Variants in SLC5A7 observed in about 807,000 individuals in gnomAD.
The protein encoded by SLC5A7 is high affinity choline transporter 1.
SLC5A7 carries 19 observed loss-of-function variants against 55.4 expected under a neutral mutation model. The observed-to-expected ratio is 0.34, with a 90% CI of 0.24 to 0.50. SLC5A7 has a LOEUF of 0.50. Ranked by LOEUF, SLC5A7 falls within the 20% of genes least tolerant of loss-of-function variation. The pLI, the probability that SLC5A7 is intolerant of heterozygous loss-of-function variation, is 0.98. For synonymous variants in SLC5A7, 265 were observed against 263.7 expected, an observed-to-expected ratio of 1.00 and a Z score of -0.05; for missense variants, 506 against 705.3, an observed-to-expected ratio of 0.72 and a Z score of 3.20.
At chr2:107,986,919 G>A (rs925476439) in intron 1 of SLC5A7, among the ~76,000 whole-genome samples, 156 bp downstream of exon 1, 4 of 152,136 alleles carry the variant, frequency 2.6e-5, no homozygotes, top group Non-Finnish European at 5.9e-5. Flanking sequence ...GTTGCTGTCA[G>A]GGTGCAAGAG....
intron 2 of SLC5A7, among the ~76,000 whole-genome samples, chr2:107,988,652 A>G (rs916052081): frequency 2.0e-5 from 3 of 152,168 alleles, no homozygotes; most frequent in Non-Finnish European, 2.9e-5. Context: ...GGGGAATGGG[A>G]AGCTGTCCTA....
At chr2:107,999,529 G>A (rs945384530) in intron 5 of SLC5A7, among the ~76,000 whole-genome samples, 2 of 152,196 alleles carry the variant, frequency 1.3e-5, no homozygotes, top group African/African-American at 4.8e-5. Context: ...GCCACAAAAT[G>A]TAGCCAAATT....
intron 5 of SLC5A7, among the ~76,000 whole-genome samples, 162 bp downstream of exon 5, chr2:107,998,148 G>T (rs1677748130): frequency 6.6e-6 from 1 of 152,134 alleles, no homozygotes; most frequent in Non-Finnish European, 1.5e-5. Flanking sequence ...TTAATTAGAT[G>T]AAAAACTCGT....
chr2:107,994,772 C>CA (rs1458176197), intron 4 of SLC5A7, among the ~76,000 whole-genome samples: 9 of 151,946 alleles, frequency 5.9e-5, no homozygotes, highest in Admixed American at 2.6e-4. Context: ...CTTTGAACAC[C>CA]AAAAAATGTT....
At position 108,013,085 on chromosome 2, in the gene SLC5A7, T is replaced by C. The variant is rs1558875434; in HGVS notation, c.*2224T>C. The C allele has an allele frequency of 1.3e-5, 2 of 152,066 alleles. No homozygotes were observed. Among genetic ancestry groups the C allele is most frequent in the Non-Finnish European group, 2.9e-5 (2 of 68,004 alleles). The allele number at this position is 152,066 out of a possible 1,614,324, so 9.4% of individuals were successfully genotyped here. ...TCTACAGGTCTCTCTCTTTACGTTG[T>C]ACCATTCTGTTGGGCAACAATTGTC... On this transcript the variant is annotated 3_prime_UTR_variant, in exon 9 of 9. Transcript: ENST00000264047.
chr2:108,001,529 C>T (rs1199325965), intron 5 of SLC5A7, among the ~76,000 whole-genome samples: 2 of 151,218 alleles, frequency 1.3e-5, no homozygotes, highest in Middle Eastern at 3.4e-3. Flanking sequence ...AAAAATTAGC[C>T]GGGCGTAGTG....
chr2:108,010,314 C>T lies in SLC5A7; in HGVS notation c.1196C>T (p.Thr399Met), dbSNP rs748755332. 2.5e-5 allele frequency: 41 copies of T among 1,613,798 alleles called. No individual in the cohort carries two copies. In the South Asian group the frequency reaches 3.4e-4, roughly 13 times the overall value. Residue 399 changes from threonine (T) to methionine (M), a missense_variant, in exon 9 of 9, where the codon ACG becomes ATG. This residue lies in a region of SLC5A7 where 309 missense variants were observed against 478.6 expected (regional missense o/e 0.65). Coordinates refer to ENST00000264047, the MANE Select transcript of SLC5A7 (RefSeq NM_021815.5). ...GASATAMALL[T>M]KTVYGLWYLS... ...TCTGCAACAGCCATGGCCTTGCTGA[C>T]GAAAACTGTGTATGGGCTCTGGTAC...
chr2:108,003,646 C>T (rs1333728967), intron 6 of SLC5A7, among the ~76,000 whole-genome samples: 2 of 152,136 alleles, frequency 1.3e-5, no homozygotes, highest in Non-Finnish European at 1.5e-5. Flanking sequence ...TTGGAACCTT[C>T]CCACTGTACC....
At chr2:107,989,055 T>C (rs1389733076) in intron 2 of SLC5A7, among the ~76,000 whole-genome samples, 1 of 152,240 alleles carries the variant, frequency 6.6e-6, no homozygotes, top group Admixed American at 6.5e-5. Flanking sequence ...ATATTCTTTC[T>C]TACTTTGCAC....
intron 7 of SLC5A7, 53 bp downstream of exon 7, chr2:108,006,255 C>G: frequency 6.2e-7 from 1 of 1,601,598 alleles, no homozygotes; most frequent in Non-Finnish European, 8.5e-7. Flanking sequence ...CAATCCCCAC[C>G]CAGACACCCT....
chr2:107,995,807 T>C (rs1018923931), intron 4 of SLC5A7, among the ~76,000 whole-genome samples: 1 of 152,136 alleles, frequency 6.6e-6, no homozygotes, highest in Non-Finnish European at 1.5e-5. Context: ...TTTGAAGAAA[T>C]GTGTATTTAC....
chr2:108,001,870 G>C, intron 5 of SLC5A7, 27 bp from the exon 6 acceptor site: 1 of 1,612,884 alleles, frequency 6.2e-7, no homozygotes, highest in Non-Finnish European at 8.5e-7. Flanking sequence ...CCATCGCCTA[G>C]GGCTCCAGTG....
chr2:107,989,299 C>A (rs184234104), intron 2 of SLC5A7, among the ~76,000 whole-genome samples: 2 of 152,210 alleles, frequency 1.3e-5, no homozygotes, highest in African/African-American at 4.8e-5. Flanking sequence ...TCAAGTGATG[C>A]CCAATTTCAG....
At position 108,010,889 on chromosome 2, in the gene SLC5A7, CA is replaced by C. The variant is rs1678305052; in HGVS notation, c.*31del. 6 of 1,531,258 alleles carry C rather than the reference CA, an allele frequency of 3.9e-6. No individual in the cohort carries two copies. Among genetic ancestry groups the C allele is most frequent in the African/African-American group, 1.4e-5 (1 of 71,976 alleles). The allele number at this position is 1,531,258 out of a possible 1,614,324, so 94.9% of individuals were successfully genotyped here. A position where few individuals can be genotyped will look rare whatever the true frequency, so the allele number is the denominator to read the frequency against. On this transcript the variant is annotated 3_prime_UTR_variant, in exon 9 of 9. Coordinates refer to ENST00000264047, the MANE Select transcript of SLC5A7 (RefSeq NM_021815.5). ...CCATCTAAATAAAATACTGCTTTTG[CA>C]AACAGAACACTGTAATAGGGTAGTT... is the stretch of plus-strand genomic sequence containing the variant.
intron 6 of SLC5A7, among the ~76,000 whole-genome samples, chr2:108,005,426 C>T (rs1678070799): frequency 6.6e-6 from 1 of 152,126 alleles, no homozygotes; most frequent in African/African-American, 2.4e-5. Context: ...CAGATGATAA[C>T]AAATTGAAGG....
intron 6 of SLC5A7, 143 bp from the exon 7 acceptor site, chr2:108,005,906 A>G (rs907387476): frequency 4.5e-5 from 41 of 902,650 alleles, no homozygotes; most frequent in Non-Finnish European, 6.3e-5. Flanking sequence ...ACATAATGAT[A>G]CTAATTGATA....
intron 6 of SLC5A7, 38 bp downstream of exon 6, chr2:108,002,078 G>A (rs910573528): frequency 6.3e-7 from 1 of 1,581,116 alleles, no homozygotes; most frequent in Non-Finnish European, 8.6e-7. Flanking sequence ...TGATTTAATT[G>A]TTCCTGAAAT....
intron 4 of SLC5A7, among the ~76,000 whole-genome samples, chr2:107,993,847 G>T (rs1677550880): frequency 6.6e-6 from 1 of 152,178 alleles, no homozygotes; most frequent in African/African-American, 2.4e-5. Flanking sequence ...GACAGAATAG[G>T]TAAGTAATGT....
intron 6 of SLC5A7, among the ~76,000 whole-genome samples, chr2:108,004,061 G>T (rs1230699740): frequency 6.6e-6 from 1 of 152,110 alleles, no homozygotes; most frequent in African/African-American, 2.4e-5. Context: ...ATTTCCCAAA[G>T]ACCCCACCTC....
Sources: allele counts gnomAD v4.1 joint callset (sites outside exome capture counted in the v4.1 genomes callset), GRCh38; gene constraint gnomAD v4.1.1; regional missense constraint gnomAD v4.1.1; transcripts MANE v1.5; gene names NCBI Gene and HGNC (gene_info 2026-07-23, HGNC 2026-07-21).